SUGCT: variants seen among roughly 807,000 people sequenced by gnomAD.
SUGCT encodes the protein succinyl-CoA:glutarate-CoA transferase.
Under a neutral mutation model 55.0 loss-of-function variants are expected in SUGCT, and 41 were observed. That is an observed-to-expected ratio of 0.74 (90% CI 0.58 to 0.97). The LOEUF (loss-of-function observed/expected upper bound fraction) is 0.97. Ranked by LOEUF, SUGCT falls within the 50% of genes least tolerant of loss-of-function variation. The pLI is 0.00. For synonymous variants in SUGCT, 187 were observed against 200.4 expected (o/e 0.93, Z 0.56); for missense variants, 568 against 547.8 (o/e 1.04, Z -0.37).
chr7:40,377,158 C>CTT (rs1434759552), intron 9 of SUGCT, among the ~76,000 whole-genome samples: 1 of 15,486 alleles, frequency 6.5e-5, no homozygotes, highest in African/African-American at 1.0e-4. Flanking sequence ...TTCTTTCTTT[C>CTT]TTTCTTTCTT....
chr7:40,796,345 C>A (rs1790554104), intron 13 of SUGCT, among the ~76,000 whole-genome samples: 1 of 152,130 alleles, frequency 6.6e-6, no homozygotes, highest in Non-Finnish European at 1.5e-5. Context: ...GAGAGAACTT[C>A]TGACTGAAAG....
chr7:40,941,131 A>G, the SUGCT span, among the ~76,000 whole-genome samples: 4 of 151,982 alleles, frequency 2.6e-5, no homozygotes, highest in African/African-American at 4.8e-5. Context: ...TGAGATGATC[A>G]TATGGTTTTT....
intron 8 of SUGCT, among the ~76,000 whole-genome samples, chr7:40,275,485 G>A (rs955478763): frequency 3.3e-5 from 5 of 151,840 alleles, no homozygotes; most frequent in Admixed American, 3.3e-4. Flanking sequence ...TCTAATAGTG[G>A]GTGTAACACT....
chr7:40,552,805 C>T (rs1020289102), intron 12 of SUGCT, among the ~76,000 whole-genome samples: 3 of 134,310 alleles, frequency 2.2e-5, no homozygotes, highest in East Asian at 2.7e-4. Context: ...AACCCATCAT[C>T]GTTGTATTAA....
At chr7:40,563,020 G>C (rs971729182) in intron 12 of SUGCT, among the ~76,000 whole-genome samples, 6 of 152,146 alleles carry the variant, frequency 3.9e-5, no homozygotes, top group Non-Finnish European at 7.3e-5. Flanking sequence ...AGGGGTCCAA[G>C]GAAGGGAGCG....
chr7:40,466,633 A>G (rs1384174022), intron 11 of SUGCT, among the ~76,000 whole-genome samples: 2 of 152,230 alleles, frequency 1.3e-5, no homozygotes, highest in African/African-American at 4.8e-5. Flanking sequence ...TCTCTCAGTC[A>G]GTGAACATGT....
intron 13 of SUGCT, among the ~76,000 whole-genome samples, chr7:40,784,098 T>C (rs181911046): frequency 2.0e-5 from 3 of 152,178 alleles, no homozygotes; most frequent in Non-Finnish European, 4.4e-5. Context: ...TCCCTGAGTA[T>C]GATACCTTCT....
the SUGCT span, among the ~76,000 whole-genome samples, chr7:40,898,490 G>T: frequency 8.9e-6 from 1 of 112,776 alleles, no homozygotes; most frequent in South Asian, 4.4e-4. Context: ...CGGGGGGGGG[G>T]GGGGGGGTGG....
chr7:40,743,539 TC>T (rs1003271839), intron 12 of SUGCT, among the ~76,000 whole-genome samples: 20 of 152,204 alleles, frequency 1.3e-4, no homozygotes, highest in African/African-American at 4.3e-4. Flanking sequence ...TTGGAAAGTT[TC>T]CCTTAAAAGG....
intron 12 of SUGCT, among the ~76,000 whole-genome samples, chr7:40,566,372 TC>T (rs1796155093): frequency 1.3e-5 from 2 of 152,226 alleles, no homozygotes; most frequent in Non-Finnish European, 2.9e-5. Flanking sequence ...GTTAATGTGT[TC>T]CTGACATATT....
At chr7:40,280,742 A>G (rs958465757) in intron 8 of SUGCT, among the ~76,000 whole-genome samples, 3 of 152,200 alleles carry the variant, frequency 2.0e-5, no homozygotes, top group Non-Finnish European at 2.9e-5. Flanking sequence ...GCAACTCTGT[A>G]TCATTTTTTT....
intron 8 of SUGCT, among the ~76,000 whole-genome samples, chr7:40,299,088 A>C (rs1037368528): frequency 3.3e-5 from 5 of 152,180 alleles, no homozygotes; most frequent in Admixed American, 3.3e-4. Context: ...TAAACTTTCA[A>C]ACAAGCACAG....
intron 11 of SUGCT, among the ~76,000 whole-genome samples, chr7:40,495,227 C>CTT (rs79094909): frequency 0.022 from 3,021 of 138,548 alleles, 104 homozygotes; most frequent in African/African-American, 0.075. Context: ...TATTTCTATG[C>CTT]TTTTTTTTTT....
At chr7:40,915,629 G>C in the SUGCT span, among the ~76,000 whole-genome samples, 4 of 152,138 alleles carry the variant, frequency 2.6e-5, no homozygotes, top group African/African-American at 4.8e-5. Flanking sequence ...AAAGGCAGAG[G>C]ACAGGAGCCA....
At chr7:40,351,293 G>A (rs1474741168) in intron 9 of SUGCT, among the ~76,000 whole-genome samples, 2 of 151,914 alleles carry the variant, frequency 1.3e-5, no homozygotes, top group East Asian at 3.9e-4. Flanking sequence ...TTTCTTTCAT[G>A]ACCTCTTTTA....
At chr7:40,732,619 A>G (rs1025920208) in intron 12 of SUGCT, among the ~76,000 whole-genome samples, 4 of 152,210 alleles carry the variant, frequency 2.6e-5, no homozygotes, top group Admixed American at 1.3e-4. Flanking sequence ...CCCAAAAGAT[A>G]AAGCATGGAT....
At chr7:40,940,185 T>C in the SUGCT span, among the ~76,000 whole-genome samples, 1 of 152,172 alleles carries the variant, frequency 6.6e-6, no homozygotes, top group African/African-American at 2.4e-5. Flanking sequence ...TAGTTGGTTG[T>C]AAATATTTGG....
chr7:40,837,624 C>G (rs1455561236), intron 13 of SUGCT, among the ~76,000 whole-genome samples: 2 of 152,064 alleles, frequency 1.3e-5, no homozygotes, highest in African/African-American at 4.8e-5. Context: ...TGCTCTTTCA[C>G]CCAGGCTGGA....
chr7:40,932,504 G>C, the SUGCT span, among the ~76,000 whole-genome samples: 3 of 152,122 alleles, frequency 2.0e-5, no homozygotes, highest in African/African-American at 7.2e-5. Flanking sequence ...TCATTGATCC[G>C]TCTAATACTG....
Sources: gnomAD v4.1 joint callset for allele counts (sites outside exome capture counted in the v4.1 genomes callset) on GRCh38, gnomAD v4.1.1 for gene constraint, MANE v1.5 for transcripts, NCBI Gene and HGNC (gene_info 2026-07-23, HGNC 2026-07-21) for gene names.